The following DNAAF11 variants were observed in gnomAD, a reference collection of about 807,000 sequenced individuals.
The protein encoded by DNAAF11 is leucine rich repeat containing 6.
Under a neutral mutation model 60.8 loss-of-function variants are expected in DNAAF11, and 45 were observed. The observed-to-expected ratio is 0.74, with a 90% CI of 0.58 to 0.95. The LOEUF is 0.95. Among genes scored for constraint, DNAAF11 ranks in the 40% least tolerant of loss-of-function variants. The pLI, the probability that DNAAF11 is intolerant of heterozygous loss-of-function variation, is 0.00. For synonymous variants in DNAAF11, 191 were observed against 183.5 expected, an observed-to-expected ratio of 1.04 and a Z score of -0.33; for missense variants, 546 against 546.2, an observed-to-expected ratio of 1.00 and a Z score of 0.00.
chr8:132,648,512 C>G (rs1409870393), intron 3 of DNAAF11, among the ~76,000 whole-genome samples: 1 of 151,978 alleles, frequency 6.6e-6, no homozygotes, highest in African/African-American at 2.4e-5. Flanking sequence ...CTGGCCAGGG[C>G]AATCAGGCAG....
At chr8:132,692,647 T>G in the DNAAF11 span, among the ~76,000 whole-genome samples, 4 of 152,204 alleles carry the variant, frequency 2.6e-5, no homozygotes, top group African/African-American at 9.6e-5. Context: ...CCCAGTGCCT[T>G]GTGAAGGTGC....
chr8:132,652,998 A>G (rs1823177496), intron 3 of DNAAF11, among the ~76,000 whole-genome samples: 1 of 152,202 alleles, frequency 6.6e-6, no homozygotes, highest in African/African-American at 2.4e-5. Flanking sequence ...CTATAAAATG[A>G]ACAGGGATGA....
At chr8:132,627,783 G>C (rs1820421987) in intron 5 of DNAAF11, among the ~76,000 whole-genome samples, 1 of 152,088 alleles carries the variant, frequency 6.6e-6, no homozygotes, top group Non-Finnish European at 1.5e-5. Context: ...TTTGGGGCTT[G>C]GGAAGATGAA....
intron 10 of DNAAF11, among the ~76,000 whole-genome samples, chr8:132,600,415 A>G (rs1817488091): frequency 1.3e-5 from 2 of 152,240 alleles, no homozygotes; most frequent in South Asian, 4.1e-4. Context: ...AGAATTGGAA[A>G]AAAACTACTT....
chr8:132,598,918 A>T (rs1397364481), intron 10 of DNAAF11, among the ~76,000 whole-genome samples: 2 of 152,250 alleles, frequency 1.3e-5, no homozygotes, highest in East Asian at 1.9e-4. Flanking sequence ...AGAAATAACT[A>T]AGATCAGAGC....
chr8:132,629,094 A>C (rs1345960979), intron 5 of DNAAF11, among the ~76,000 whole-genome samples: 2 of 152,220 alleles, frequency 1.3e-5, no homozygotes, highest in African/African-American at 4.8e-5. Context: ...TTAATATTAG[A>C]AATTCTATTA....
intron 11 of DNAAF11, chr8:132,578,454 C>G (rs549783487): frequency 1.3e-6 from 2 of 1,527,062 alleles, no homozygotes; most frequent in African/African-American, 2.8e-5. Context: ...GACGGACGCC[C>G]ATCACTGGTC....
At chr8:132,593,745 G>A (rs1816715514) in intron 10 of DNAAF11, among the ~76,000 whole-genome samples, 1 of 151,868 alleles carries the variant, frequency 6.6e-6, no homozygotes, top group Non-Finnish European at 1.5e-5. Flanking sequence ...CCTAAAAACA[G>A]ACCCTTCTTT....
intron 10 of DNAAF11, among the ~76,000 whole-genome samples, chr8:132,606,802 C>T (rs1222089517): frequency 6.6e-6 from 1 of 151,898 alleles, no homozygotes; most frequent in Non-Finnish European, 1.5e-5. Context: ...TTGCATCTGG[C>T]CAAAAATTTT....
intron 11 of DNAAF11, among the ~76,000 whole-genome samples, chr8:132,573,810 C>T (rs1029777833): frequency 2.6e-5 from 4 of 152,078 alleles, no homozygotes; most frequent in Non-Finnish European, 4.4e-5. Flanking sequence ...AGTTTTTGAT[C>T]CTTCACACTA....
chr8:132,624,047 T>A (rs746213442), intron 6 of DNAAF11, among the ~76,000 whole-genome samples: 3 of 152,126 alleles, frequency 2.0e-5, no homozygotes, highest in African/African-American at 7.2e-5. Flanking sequence ...GTAAAAAAAA[T>A]TTCTCCTTAT....
chr8:132,611,948 A>C (rs1291194744), intron 8 of DNAAF11, among the ~76,000 whole-genome samples: 1 of 152,200 alleles, frequency 6.6e-6, no homozygotes, highest in South Asian at 2.1e-4. Context: ...ATTTCATATC[A>C]CTCATTAAAT....
At chr8:132,665,070 G>A (rs537411736) in intron 1 of DNAAF11, among the ~76,000 whole-genome samples, 16 of 152,106 alleles carry the variant, frequency 1.1e-4, no homozygotes, top group African/African-American at 3.1e-4. Context: ...ATAAATAATT[G>A]CAGAGGAGGA....
At chr8:132,587,542 T>C (rs1357905221) in intron 10 of DNAAF11, among the ~76,000 whole-genome samples, 1 of 152,212 alleles carries the variant, frequency 6.6e-6, no homozygotes, top group Admixed American at 6.5e-5. Flanking sequence ...TTTCCCACTG[T>C]ACCTGCAGTC....
intron 3 of DNAAF11, chr8:132,643,502 C>T (rs1822060441): frequency 2.6e-6 from 1 of 387,072 alleles, no homozygotes; most frequent in Non-Finnish European, 5.2e-6. Flanking sequence ...AATATCCTCT[C>T]CCAACACAGT....
In DNAAF11 at chr8:132,661,524, G is replaced by A; in HGVS notation, c.114C>T (p.His38=). The change falls in exon 2 of 12, where the codon CAC becomes CAT. Residue 38 remains histidine, a synonymous_variant. Coordinates refer to ENST00000620350, the MANE Select transcript of DNAAF11 (RefSeq NM_012472.6). ...LHQQEIERLE[H]IDKWCRDLKI... is the part of the protein sequence containing the mutation. Reference sequence around the variant, plus strand: ...TTAAATCCCGGCACCATTTATCAATGTGTTCTAGTCTTTCTATTTCTTGCT... The same window carrying A: ...TTAAATCCCGGCACCATTTATCAATATGTTCTAGTCTTTCTATTTCTTGCT... 6.2e-7 allele frequency: 1 copy of A among 1,613,392 alleles called. No individual in the cohort carries two copies. The highest frequency in any genetic ancestry group is 8.5e-7 in the Non-Finnish European group (1 of 1,179,524).
At chr8:132,631,685 T>C (rs1373399087) in intron 5 of DNAAF11, among the ~76,000 whole-genome samples, 1 of 152,174 alleles carries the variant, frequency 6.6e-6, no homozygotes, top group African/African-American at 2.4e-5. Flanking sequence ...GGGAAGTCTT[T>C]AAGGAGTGTC....
At chr8:132,572,846 C>A (rs546261140) in intron 11 of DNAAF11, among the ~76,000 whole-genome samples, 61 of 152,294 alleles carry the variant, frequency 4.0e-4, no homozygotes, top group African/African-American at 1.3e-3. Flanking sequence ...TCCTTCCAGG[C>A]AGCTCTTATT....
chr8:132,579,107 A>G (rs1400167841), intron 11 of DNAAF11, among the ~76,000 whole-genome samples: 3 of 152,236 alleles, frequency 2.0e-5, no homozygotes, highest in Non-Finnish European at 4.4e-5. Context: ...TCAATCTTGA[A>G]TTTAGATGAA....
Sources: allele counts gnomAD v4.1 joint callset (sites outside exome capture counted in the v4.1 genomes callset), GRCh38; gene constraint gnomAD v4.1.1; transcripts MANE v1.5; gene names NCBI Gene and HGNC (gene_info 2026-07-23, HGNC 2026-07-21).